The following CDH4 variants were observed in gnomAD, a reference collection of about 807,000 sequenced individuals.
The protein encoded by CDH4 is cadherin-4.
Under a neutral mutation model 86.0 loss-of-function variants are expected in CDH4, and 33 were observed. The observed-to-expected ratio is 0.38, with a 90% confidence interval of 0.29 to 0.51. CDH4 has a LOEUF of 0.51. Among genes scored for constraint, CDH4 ranks in the 20% least tolerant of loss-of-function variants. CDH4 has a pLI of 0.86. For synonymous variants in CDH4, 555 were observed against 549.4 expected, an observed-to-expected ratio of 1.01 and a Z score of -0.14; for missense variants, 1,114 against 1,307.4, an observed-to-expected ratio of 0.85 and a Z score of 2.28.
intron 2 of CDH4, among the ~76,000 whole-genome samples, chr20:61,656,243 AGGCGCG>A (rs1449394650): frequency 5.1e-5 from 6 of 118,350 alleles, no homozygotes; most frequent in Non-Finnish European, 8.6e-5. Context: ...TGGGGTGGGC[AGGCGCG>A]TGCTGGGGTG....
intron 2 of CDH4, among the ~76,000 whole-genome samples, chr20:61,397,309 A>G (rs966726210): frequency 6.6e-6 from 1 of 152,138 alleles, no homozygotes; most frequent in Non-Finnish European, 1.5e-5. Flanking sequence ...GGAGGCAGGA[A>G]GGGCAGCTGC....
chr20:61,936,753 A>G lies in CDH4; in HGVS notation c.2561A>G (p.Asp854Gly). Residue 854 changes from aspartate (D) to glycine (G), a missense_variant, in exon 16 of 16, where the codon GAC becomes GGC. Physicochemically the swap from Asp to Gly is moderately conservative, Grantham distance 94. Coordinates refer to ENST00000614565, the MANE Select transcript of CDH4 (RefSeq NM_001794.5). ...DFINEGLRAADNDPTAPPYDS... is the reference protein window; with the variant it reads ...DFINEGLRAAGNDPTAPPYDS... The stretch of plus-strand genomic sequence containing the variant: ...GACCCCCAGGGACTCCGCGCTGCTG[A>G]CAACGACCCCACGGCACCCCCCTAT... 6.2e-7 allele frequency: 1 copy of G among 1,602,964 alleles called. No individual in the cohort carries two copies. The highest frequency in any genetic ancestry group is 8.5e-7 in the Non-Finnish European group (1 of 1,175,874).
intron 2 of CDH4, among the ~76,000 whole-genome samples, chr20:61,257,891 T>C (rs2084107692): frequency 6.6e-6 from 1 of 152,150 alleles, no homozygotes; most frequent in East Asian, 1.9e-4. Flanking sequence ...GGTGGCATAG[T>C]GGGAACCGAG....
intron 2 of CDH4, among the ~76,000 whole-genome samples, chr20:61,704,406 G>A (rs548296973): frequency 1.3e-4 from 20 of 152,262 alleles, no homozygotes; most frequent in Non-Finnish European, 1.9e-4. Context: ...CTTGTGGGGC[G>A]CTCTCGTTAA....
At chr20:61,779,645 C>G (rs1978433509) in intron 4 of CDH4, among the ~76,000 whole-genome samples, 1 of 152,256 alleles carries the variant, frequency 6.6e-6, no homozygotes. Context: ...TCACATCCAG[C>G]CACAAATACT....
chr20:61,922,782 G>A (rs1194679314), intron 9 of CDH4, among the ~76,000 whole-genome samples: 1 of 152,122 alleles, frequency 6.6e-6, no homozygotes. Flanking sequence ...ATTTTGGAGA[G>A]CCTTGCTCTG....
At chr20:61,822,617 G>A (rs911677936) in intron 4 of CDH4, among the ~76,000 whole-genome samples, 1 of 152,204 alleles carries the variant, frequency 6.6e-6, no homozygotes, top group East Asian at 1.9e-4. Flanking sequence ...TGAGGGTGGA[G>A]CAGTCAGTGG....
chr20:61,851,670 C>T (rs1194997492), intron 5 of CDH4, among the ~76,000 whole-genome samples: 1 of 152,206 alleles, frequency 6.6e-6, no homozygotes, highest in Non-Finnish European at 1.5e-5. Context: ...GGAGAGGCCT[C>T]GGATGTGCCC....
At chr20:61,868,127 C>T (rs1310253669) in intron 6 of CDH4, among the ~76,000 whole-genome samples, 1 of 152,230 alleles carries the variant, frequency 6.6e-6, no homozygotes, top group Non-Finnish European at 1.5e-5. Context: ...TCAAGTCAGA[C>T]ATGTGGAGTT....
intron 7 of CDH4, among the ~76,000 whole-genome samples, chr20:61,884,596 C>G (rs1984451171): frequency 6.6e-6 from 1 of 152,144 alleles, no homozygotes; most frequent in Non-Finnish European, 1.5e-5. Context: ...GCTCCATGCT[C>G]AGCCCCTCCC....
chr20:61,557,105 C>T (rs1332130220), intron 2 of CDH4, among the ~76,000 whole-genome samples: 1 of 152,194 alleles, frequency 6.6e-6, no homozygotes, highest in Admixed American at 6.5e-5. Flanking sequence ...GGTGAGTGGG[C>T]ATCCTGCAAG....
At chr20:61,664,673 C>G (rs1402510767) in intron 2 of CDH4, among the ~76,000 whole-genome samples, 2 of 152,228 alleles carry the variant, frequency 1.3e-5, no homozygotes, top group Non-Finnish European at 2.9e-5. Context: ...CTGGGCAGCC[C>G]AGAGAAGTTC....
In CDH4 at chr20:61,812,644, C is replaced by T. The variant is rs577662669; in HGVS notation, c.577-32024C>T. On this transcript the variant is annotated intron_variant, in intron 4 of 15. Coordinates refer to ENST00000614565, the MANE Select transcript of CDH4 (RefSeq NM_001794.5). ...CCTGGTATGTAATTTAGTCACTGAC[C>T]AACAGATATTAACTGCAGTTATGTA... Among the ~76,000 whole-genome samples, 7 of 152,266 alleles carry T rather than the reference C, an allele frequency of 4.6e-5. No homozygotes were observed. The South Asian group carries it at 1.5e-3, about 32-fold the overall frequency.
At chr20:61,896,623 C>T (rs2122876481) in intron 8 of CDH4, among the ~76,000 whole-genome samples, 1 of 152,366 alleles carries the variant, frequency 6.6e-6, no homozygotes, top group South Asian at 2.1e-4. Context: ...CAGGATGCAA[C>T]AGCTCTCATA....
At chr20:61,468,245 C>A (rs2085484140) in intron 2 of CDH4, among the ~76,000 whole-genome samples, 1 of 152,164 alleles carries the variant, frequency 6.6e-6, no homozygotes, top group African/African-American at 2.4e-5. Context: ...ATCCAGCTGG[C>A]CCAAGGTGCC....
At chr20:61,926,290 G>C (rs2055043794) in intron 11 of CDH4, among the ~76,000 whole-genome samples, 1 of 152,252 alleles carries the variant, frequency 6.6e-6, no homozygotes, top group South Asian at 2.1e-4. Context: ...AAGGCCCTGA[G>C]GCGGGGCTGT....
intron 2 of CDH4, among the ~76,000 whole-genome samples, chr20:61,689,844 C>T (rs1036414032): frequency 2.9e-5 from 4 of 137,412 alleles, no homozygotes; most frequent in East Asian, 2.1e-4. Context: ...TGAGCTGGGA[C>T]GGTGGTTGGT....
chr20:61,867,561 A>G (rs3079320), intron 6 of CDH4, among the ~76,000 whole-genome samples: 37 of 142,054 alleles, frequency 2.6e-4, no homozygotes, highest in African/African-American at 4.7e-4. Flanking sequence ...AAAAAAAAAA[A>G]AGAGAGAGAG....
intron 3 of CDH4, among the ~76,000 whole-genome samples, chr20:61,744,879 G>A (rs995325166): frequency 9.2e-5 from 14 of 152,206 alleles, no homozygotes; most frequent in Non-Finnish European, 1.5e-4. Context: ...GTGTCCTGGC[G>A]TTGGTTGCAG....
Sources: allele counts gnomAD v4.1 joint callset (sites outside exome capture counted in the v4.1 genomes callset), GRCh38; gene constraint gnomAD v4.1.1; transcripts MANE v1.5; gene names NCBI Gene and HGNC (gene_info 2026-07-23, HGNC 2026-07-21).